Variants in ZNF761 observed in about 807,000 individuals in gnomAD.
ZNF761 encodes zinc finger protein 761.
Under a neutral mutation model 59.9 loss-of-function variants are expected in ZNF761, and 43 were observed. The ratio of observed to expected loss-of-function variants is 0.72; its 90% CI spans 0.56 to 0.92. The LOEUF is 0.92. ZNF761 is among the 40% of genes least tolerant of loss of function. The pLI, the probability that ZNF761 is intolerant of heterozygous loss-of-function variation, is 0.00. For synonymous variants in ZNF761, 294 were observed against 304.8 expected (o/e 0.96, Z 0.37); for missense variants, 850 against 906.1 (o/e 0.94, Z 0.79).
At position 53,457,448 on chromosome 19, in the gene ZNF761, T is replaced by A; in HGVS notation, c.*700T>A. ...AGTGGCAAAGCCTTCACTTCACACC[T>A]CATGAGACATCAGAGAATGCATACT... On this transcript the variant is annotated 3_prime_UTR_variant, in exon 5 of 5. Coordinates refer to ENST00000684525, the MANE Select transcript of ZNF761 (RefSeq NM_001289951.2). The A allele has an allele frequency of 2.5e-6, 1 of 405,326 alleles. No homozygotes were observed. Among genetic ancestry groups the A allele is most frequent in the Non-Finnish European group, 4.9e-6 (1 of 203,386 alleles). The allele number at this position is 405,326 out of a possible 1,614,324, so 25.1% of individuals were successfully genotyped here.
At position 53,456,923 on chromosome 19, in the gene ZNF761, A is replaced by C; in HGVS notation, c.*175A>C. ...AAAGCTTATAAATGTGAAGAATGTC[A>C]CAAAGTTTACAGTCGCACATCAAAC... On this transcript the variant is annotated 3_prime_UTR_variant, in exon 5 of 5. Transcript: ENST00000684525. The C allele has an allele frequency of 2.5e-6, 2 of 811,818 alleles. No homozygotes were observed. The highest frequency in any genetic ancestry group is 4.0e-6 in the Non-Finnish European group (2 of 499,904). The allele number at this position is 811,818 out of a possible 1,614,324, so 50.3% of individuals were successfully genotyped here. A position where few individuals can be genotyped will look rare whatever the true frequency, so the allele number is the denominator to read the frequency against.
At chr19:53,445,848 C>T (rs1237894502) in intron 1 of ZNF761, among the ~76,000 whole-genome samples, 5 of 152,260 alleles carry the variant, frequency 3.3e-5, no homozygotes, top group South Asian at 4.2e-4. Flanking sequence ...ACCAGCTTCC[C>T]GTGTTCCCCA....
At chr19:53,440,706 G>GC (rs11445897) in intron 1 of ZNF761, among the ~76,000 whole-genome samples, 133,053 of 152,016 alleles carry the variant, frequency 0.88, 58,400 homozygotes, top group South Asian at 0.91. Flanking sequence ...TTGAGACAGG[G>GC]CTGGCTCTAT....
intron 3 of ZNF761, among the ~76,000 whole-genome samples, chr19:53,448,859 G>T (rs2147136396): frequency 1.3e-5 from 2 of 150,382 alleles, no homozygotes; most frequent in South Asian, 4.2e-4. Context: ...TGCAACCTCT[G>T]CCTCCTGGGA....
At chr19:53,445,248 A>G (rs1156317318) in intron 1 of ZNF761, 1 of 152,134 alleles carries the variant, frequency 6.6e-6, no homozygotes. Flanking sequence ...ACACTTCTGC[A>G]TTTTATAAAT....
intron 4 of ZNF761, among the ~76,000 whole-genome samples, chr19:53,452,976 T>A (rs2086234202): frequency 6.6e-6 from 1 of 152,238 alleles, no homozygotes; most frequent in Admixed American, 6.5e-5. Context: ...TTCTCTGATC[T>A]TAGTTTAAAA....
chr19:53,435,770 T>C (rs1486135013), intron 1 of ZNF761, among the ~76,000 whole-genome samples: 3 of 151,942 alleles, frequency 2.0e-5, no homozygotes, highest in African/African-American at 7.3e-5. Flanking sequence ...AGCAAAACAG[T>C]GTACAGCATG....
intron 3 of ZNF761, among the ~76,000 whole-genome samples, chr19:53,447,937 G>T (rs113364934): frequency 6.6e-6 from 1 of 152,146 alleles, no homozygotes; most frequent in Non-Finnish European, 1.5e-5. Flanking sequence ...TGGTGTTACC[G>T]TGGAGAGGCT....
chr19:53,447,130 G>A (rs2086168759), intron 2 of ZNF761, 66 bp from the exon 3 acceptor site: 2 of 1,093,014 alleles, frequency 1.8e-6, no homozygotes, highest in East Asian at 5.0e-5. Context: ...CTTTGTATGT[G>A]TGGTTGTGTT....
In ZNF761 at chr19:53,456,976, A is replaced by G; in HGVS notation, c.*228A>G. ...TGAAAGACAGGAGAATTCATACTGG[A>G]GAGAAACCATAAAAATGTAAGAGTT... On this transcript the variant is annotated 3_prime_UTR_variant, in exon 5 of 5. Transcript: ENST00000684525. The G allele has an allele frequency of 1.4e-6, 1 of 714,170 alleles. No homozygotes were observed. Among genetic ancestry groups the G allele is most frequent in the Non-Finnish European group, 2.4e-6 (1 of 410,726 alleles). 44.2% of individuals were successfully genotyped at this position (714,170 alleles called of 1,614,324 possible).
intron 1 of ZNF761, chr19:53,445,424 A>G (rs527666823): frequency 6.6e-5 from 10 of 152,202 alleles, no homozygotes; most frequent in African/African-American, 2.2e-4. Flanking sequence ...CCAGGCCCCC[A>G]TGTAAGAATT....
chr19:53,434,431 C>A (rs796884476), intron 1 of ZNF761, among the ~76,000 whole-genome samples: 4 of 152,058 alleles, frequency 2.6e-5, no homozygotes, highest in African/African-American at 7.2e-5. Flanking sequence ...GGCCTGTGGC[C>A]CACAGATCCA....
intron 3 of ZNF761, among the ~76,000 whole-genome samples, chr19:53,448,936 C>T (rs946679194): frequency 1.3e-5 from 2 of 152,114 alleles, no homozygotes; most frequent in Non-Finnish European, 2.9e-5. Context: ...CTGTGCCCAG[C>T]CAGATTTTAG....
At chr19:53,432,526 C>T (rs948478967) in intron 1 of ZNF761, among the ~76,000 whole-genome samples, 5 of 152,144 alleles carry the variant, frequency 3.3e-5, no homozygotes, top group Non-Finnish European at 5.9e-5. Context: ...ACCGCTTCCC[C>T]TGAGCCCGCG....
At chr19:53,432,537 T>G (rs998731433) in intron 1 of ZNF761, among the ~76,000 whole-genome samples, 1 of 152,124 alleles carries the variant, frequency 6.6e-6, no homozygotes, top group African/African-American at 2.4e-5. Context: ...TGAGCCCGCG[T>G]TGGGGAGGTG....
intron 1 of ZNF761, among the ~76,000 whole-genome samples, chr19:53,433,053 T>A (rs756203294): frequency 9.6e-5 from 3 of 31,158 alleles, no homozygotes; most frequent in African/African-American, 2.8e-4. Flanking sequence ...CAGGGGGGTA[T>A]AACAGGGAAG....
At chr19:53,439,577 A>G (rs1285561846) in intron 1 of ZNF761, among the ~76,000 whole-genome samples, 1 of 152,158 alleles carries the variant, frequency 6.6e-6, no homozygotes, top group Non-Finnish European at 1.5e-5. Flanking sequence ...CAAAAGAAAG[A>G]AAGCATCCTT....
chr19:53,455,771 A>C lies in ZNF761; in HGVS notation c.1264A>C (p.Arg422=). The change falls in exon 5 of 5, where the codon AGA becomes CGA. Residue 422 remains arginine (R), a synonymous_variant. Transcript: ENST00000684525. ...CEECDKAYSF[R]SNFEIHRKIH... is the part of the protein sequence containing the mutation. ...AGAATGTGACAAAGCTTACAGTTTC[A>C]GATCAAATTTTGAAATACATCGGAA... The C allele has an allele frequency of 6.2e-7, 1 of 1,614,110 alleles. No individual in the cohort carries two copies. The highest frequency in any genetic ancestry group is 8.5e-7 in the Non-Finnish European group (1 of 1,180,026).
intron 4 of ZNF761, among the ~76,000 whole-genome samples, chr19:53,453,405 G>T (rs1333858585): frequency 3.9e-5 from 6 of 152,170 alleles, no homozygotes; most frequent in Non-Finnish European, 2.9e-5. Flanking sequence ...GTTGTAAGTA[G>T]AAGTTTGGCG....
Sources: gnomAD v4.1 joint callset for allele counts (sites outside exome capture counted in the v4.1 genomes callset) on GRCh38, gnomAD v4.1.1 for gene constraint, MANE v1.5 for transcripts, NCBI Gene and HGNC (gene_info 2026-07-23, HGNC 2026-07-21) for gene names.